The following DLGAP2 variants were observed in gnomAD, a reference collection of about 807,000 sequenced individuals.
The protein encoded by DLGAP2 is DLG associated protein 2, also known as disks large-associated protein 2.
Under a neutral mutation model 100.3 loss-of-function variants are expected in DLGAP2, and 26 were observed. The observed-to-expected ratio is 0.26, with a 90% CI of 0.19 to 0.36. The LOEUF is 0.36. DLGAP2 is among the 10% of genes least tolerant of loss of function. DLGAP2 has a pLI of 1.00. For missense variants in DLGAP2, 1,858 were observed against 1,453.2 expected, an observed-to-expected ratio of 1.28 and a Z score of -4.53; for synonymous variants, 886 against 630.1, an observed-to-expected ratio of 1.41 and a Z score of -6.08.
At chr8:1,151,853 C>T (rs1796703941) in intron 2 of DLGAP2, among the ~76,000 whole-genome samples, 2 of 152,164 alleles carry the variant, frequency 1.3e-5, no homozygotes, top group Non-Finnish European at 1.5e-5. Flanking sequence ...CTGGTTATTC[C>T]ATTAGAACAA....
rs745673460 is a variant in DLGAP2, at chr8:1,218,908, T to A, written c.74-39943T>A. Among the ~76,000 whole-genome samples, 54 of 152,292 alleles carry A rather than the reference T, an allele frequency of 3.5e-4. No homozygotes were observed. The Middle Eastern group carries it at 0.027, about 77-fold the overall frequency. ...GACTATTGTGAATGGGGTTGTGGTC[T>A]GGATTGGGTTCTCAGCTTGGATGTT... On this transcript the variant is annotated intron_variant, in intron 2 of 14. Coordinates refer to ENST00000637795, the MANE Select transcript of DLGAP2 (RefSeq NM_001346810.2).
intron 3 of DLGAP2, among the ~76,000 whole-genome samples, chr8:1,419,913 G>T (rs998857605): frequency 6.6e-5 from 10 of 152,184 alleles, no homozygotes; most frequent in Non-Finnish European, 8.8e-5. Context: ...AGATGGAATC[G>T]ACCTGAGTGT....
At chr8:1,214,143 C>G (rs544455631) in intron 2 of DLGAP2, among the ~76,000 whole-genome samples, 1 of 152,320 alleles carries the variant, frequency 6.6e-6, no homozygotes, top group East Asian at 1.9e-4. Flanking sequence ...AGCCCCCTTC[C>G]CTCCACACCT....
intron 2 of DLGAP2, chr8:927,038 C>T (rs1798831583): frequency 5.1e-6 from 5 of 985,226 alleles, no homozygotes; most frequent in Middle Eastern, 5.2e-4. Flanking sequence ...GAGCCGGGGA[C>T]TGGAGGCCTG....
In DLGAP2 at chr8:1,501,436, A is replaced by G. The variant is rs566123762; in HGVS notation, c.172+5A>G. 11 of 1,535,580 alleles carry G rather than the reference A, an allele frequency of 7.2e-6. No homozygotes were observed. In the South Asian group the frequency reaches 1.2e-4, roughly 17 times the overall value. ...GGCCGGCAGAGGAGGATCTAGGTAG[A>G]GTACAGACGTCAGCCCCGCTCTGGC... On this transcript the variant is annotated splice_donor_5th_base_variant and intron_variant, in intron 4 of 14. Transcript: ENST00000637795.
At chr8:1,200,799 T>A (rs1168720276) in intron 2 of DLGAP2, among the ~76,000 whole-genome samples, 1 of 152,222 alleles carries the variant, frequency 6.6e-6, no homozygotes, top group Admixed American at 6.5e-5. Flanking sequence ...TCCAGAAGAC[T>A]CTGAGAGAAT....
chr8:1,631,806 A>G (rs1384082255), intron 7 of DLGAP2, among the ~76,000 whole-genome samples: 2 of 152,334 alleles, frequency 1.3e-5, no homozygotes, highest in Middle Eastern at 3.4e-3. Flanking sequence ...GAAACCAGAG[A>G]AGTCCACAGG....
At chr8:921,358 C>T (rs915210791) in intron 2 of DLGAP2, among the ~76,000 whole-genome samples, 17 of 152,026 alleles carry the variant, frequency 1.1e-4, no homozygotes, top group South Asian at 6.2e-4. Flanking sequence ...TCCACGTGTC[C>T]ACAGACCCGA....
At chr8:1,151,737 ATCT>A (rs1796701340) in intron 2 of DLGAP2, among the ~76,000 whole-genome samples, 1 of 152,220 alleles carries the variant, frequency 6.6e-6, no homozygotes. Context: ...GCGTCGTCTC[ATCT>A]TCTCCATCCC....
At chr8:1,646,502 A>G (rs566064972) in intron 8 of DLGAP2, among the ~76,000 whole-genome samples, 2 of 152,332 alleles carry the variant, frequency 1.3e-5, no homozygotes, top group African/African-American at 4.8e-5. Flanking sequence ...CCCAACTAAT[A>G]TCATACCCTT....
At chr8:1,068,745 G>GCATGTGGGACAGGGGGA (rs1563174663) in intron 2 of DLGAP2, among the ~76,000 whole-genome samples, 1 of 152,150 alleles carries the variant, frequency 6.6e-6, no homozygotes, top group African/African-American at 2.4e-5. Context: ...ATGTGGGTCC[G>GCATGTGGGACAGGGGGA]GGATATGCCT....
intron 2 of DLGAP2, among the ~76,000 whole-genome samples, chr8:962,638 G>A (rs1470660992): frequency 6.6e-6 from 1 of 152,008 alleles, no homozygotes; most frequent in Non-Finnish European, 1.5e-5. Context: ...CCAACCCTGT[G>A]ACAAAATGGA....
At chr8:1,582,399 G>T (rs1035907263) in intron 6 of DLGAP2, among the ~76,000 whole-genome samples, 6 of 151,730 alleles carry the variant, frequency 4.0e-5, no homozygotes, top group African/African-American at 1.5e-4. Context: ...CATCGTAAAT[G>T]ATTCTGGCCA....
intron 3 of DLGAP2, among the ~76,000 whole-genome samples, chr8:1,415,816 T>A (rs1796867920): frequency 6.6e-6 from 1 of 152,198 alleles, no homozygotes; most frequent in Non-Finnish European, 1.5e-5. Context: ...GAATGATTTA[T>A]TTTCCTTTGG....
intron 1 of DLGAP2, among the ~76,000 whole-genome samples, chr8:746,233 T>C (rs7827524): frequency 0.049 from 7,405 of 152,312 alleles, 610 homozygotes; most frequent in African/African-American, 0.17. Flanking sequence ...ATGCGACTTA[T>C]TTATTTTCGA....
At chr8:1,275,383 AT>A (rs1192686237) in intron 3 of DLGAP2, among the ~76,000 whole-genome samples, 24 of 151,074 alleles carry the variant, frequency 1.6e-4, no homozygotes, top group Admixed American at 1.6e-3. Context: ...AACACAATAG[AT>A]TTGCACCCCA....
rs559364198 is a variant in DLGAP2 at position 835,670 on chromosome 8, A to G, written c.19-72242A>G. On this transcript the variant is annotated intron_variant, in intron 1 of 14. Transcript: ENST00000637795. The stretch of plus-strand genomic sequence containing the variant: ...TCTCTTCCTGAACTTCAGGTTTGCT[A>G]CCTGTGAACTTGGAATTAAATGCTT... Among the ~76,000 whole-genome samples, 144 of 152,042 alleles carry G rather than the reference A, an allele frequency of 9.5e-4. 1 individual carries two copies. The highest frequency in any genetic ancestry group is 1.7e-3 in the Non-Finnish European group (118 of 68,010).
At chr8:1,289,485 G>C (rs1800012068) in intron 3 of DLGAP2, among the ~76,000 whole-genome samples, 1 of 152,190 alleles carries the variant, frequency 6.6e-6, no homozygotes, top group Non-Finnish European at 1.5e-5. Flanking sequence ...ACACTGGACA[G>C]TATCAGTAAG....
At chr8:1,518,199 G>A (rs540442774) in intron 4 of DLGAP2, among the ~76,000 whole-genome samples, 8 of 152,236 alleles carry the variant, frequency 5.3e-5, no homozygotes, top group African/African-American at 1.4e-4. Context: ...AATTGGACAC[G>A]GAATCGAGTT....
Sources: gnomAD v4.1 joint callset for allele counts (sites outside exome capture counted in the v4.1 genomes callset) on GRCh38, gnomAD v4.1.1 for gene constraint, MANE v1.5 for transcripts, NCBI Gene and HGNC (gene_info 2026-07-23, HGNC 2026-07-21) for gene names.